Variants in DCAF17 observed in about 807,000 individuals in gnomAD.
The protein encoded by DCAF17 is DDB1- and CUL4-associated factor 17.
A neutral mutation model predicts 66.0 loss-of-function variants in DCAF17; 48 were observed. The observed-to-expected ratio is 0.73, with a 90% CI of 0.58 to 0.92. DCAF17 has a LOEUF of 0.92. Among genes scored for constraint, DCAF17 ranks in the 40% least tolerant of loss-of-function variants. The probability of loss-of-function intolerance (pLI) is 0.00; values close to 1 mark genes in which losing one functional copy is unlikely to be tolerated. For missense variants in DCAF17, 562 were observed against 622.8 expected (o/e 0.90, Z 1.04); for synonymous variants, 206 against 214.6 (o/e 0.96, Z 0.35).
At chr2:171,477,102 T>C (rs573215399) in intron 11 of DCAF17, 152 bp downstream of exon 11, 1 of 635,680 alleles carries the variant, frequency 1.6e-6, no homozygotes, top group African/African-American at 1.8e-5. Context: ...TAGCCAGTTT[T>C]AGCCCCATGT....
In DCAF17 at chr2:171,453,154, C is replaced by CT; in HGVS notation, c.570dup (p.Ala191CysfsTer47). 6.2e-7 allele frequency: 1 copy of CT among 1,612,964 alleles called. No homozygotes were observed. Among genetic ancestry groups the CT allele is most frequent in the Non-Finnish European group, 8.5e-7 (1 of 1,179,418 alleles). On this transcript the variant is annotated frameshift_variant, in exon 6 of 14. Coordinates refer to ENST00000375255, the MANE Select transcript of DCAF17 (RefSeq NM_025000.4). LOFTEE classifies it high-confidence loss of function. ...CATTCAACAACATGTTTTGCTGTAC[C>CT]TTGCAGTGTTCCGAGTTCTACCTTT... is the stretch of plus-strand genomic sequence containing the variant.
At chr2:171,477,757 A>T (rs753776237) in intron 11 of DCAF17, among the ~76,000 whole-genome samples, 2 of 152,224 alleles carry the variant, frequency 1.3e-5, no homozygotes, top group Non-Finnish European at 2.9e-5. Context: ...GTGCCACTAC[A>T]GTGAGGCAAG....
intron 1 of DCAF17, 52 bp downstream of exon 1, chr2:171,434,755 C>T: frequency 8.6e-6 from 12 of 1,389,430 alleles, no homozygotes; most frequent in Non-Finnish European, 1.1e-5. Flanking sequence ...GCGCGGCGGC[C>T]GAGCCTCCTG....
intron 8 of DCAF17, among the ~76,000 whole-genome samples, chr2:171,460,650 C>A (rs958135939): frequency 2.0e-5 from 3 of 151,984 alleles, no homozygotes; most frequent in Non-Finnish European, 4.4e-5. Context: ...CCTACATTAG[C>A]CTCCCAAGTA....
intron 5 of DCAF17, among the ~76,000 whole-genome samples, chr2:171,451,618 C>A (rs1408936129): frequency 2.0e-5 from 3 of 152,160 alleles, no homozygotes; most frequent in Admixed American, 6.5e-5. Flanking sequence ...GCTTTGTTGC[C>A]AGGCTAGAGT....
At chr2:171,450,531 CTT>C in intron 5 of DCAF17, among the ~76,000 whole-genome samples, 1 of 151,632 alleles carries the variant, frequency 6.6e-6, no homozygotes, top group Admixed American at 6.6e-5. Context: ...TATCAAGAAA[CTT>C]TTTGTTTCTA....
At chr2:171,470,795 A>G (rs1696200853) in intron 9 of DCAF17, among the ~76,000 whole-genome samples, 1 of 152,168 alleles carries the variant, frequency 6.6e-6, no homozygotes, top group East Asian at 1.9e-4. Flanking sequence ...CTATTATTTC[A>G]TACACAAACA....
At chr2:171,458,717 A>G (rs1181453256) in intron 8 of DCAF17, among the ~76,000 whole-genome samples, 1 of 152,184 alleles carries the variant, frequency 6.6e-6, no homozygotes, top group Non-Finnish European at 1.5e-5. Context: ...ACCTTTAGCA[A>G]TTCACTTTAC....
At chr2:171,452,642 C>T (rs554820519) in intron 5 of DCAF17, among the ~76,000 whole-genome samples, 4 of 152,134 alleles carry the variant, frequency 2.6e-5, no homozygotes, top group African/African-American at 4.8e-5. Flanking sequence ...TTTGTATAAA[C>T]GAGGTCTCAC....
chr2:171,454,859 G>A (rs549058894), intron 6 of DCAF17, among the ~76,000 whole-genome samples: 19 of 151,122 alleles, frequency 1.3e-4, no homozygotes, highest in Non-Finnish European at 2.4e-4. Flanking sequence ...ATTGTGCCAC[G>A]GCAACAGAGC....
intron 9 of DCAF17, among the ~76,000 whole-genome samples, chr2:171,469,596 G>A (rs768468372): frequency 8.2e-4 from 125 of 152,248 alleles, no homozygotes; most frequent in Non-Finnish European, 5.6e-4. Context: ...TGGCTTAGGC[G>A]TTGATTTGTC....
At chr2:171,460,772 G>A (rs1407292905) in intron 8 of DCAF17, among the ~76,000 whole-genome samples, 2 of 152,172 alleles carry the variant, frequency 1.3e-5, no homozygotes, top group East Asian at 3.9e-4. Context: ...CTGGGCTCAA[G>A]CAGTCTGCCT....
chr2:171,449,993 CTT>C (rs1447717811), intron 5 of DCAF17, 36 bp downstream of exon 5: 9 of 1,502,904 alleles, frequency 6.0e-6, no homozygotes, highest in Admixed American at 3.4e-5. Context: ...AATGAAGACT[CTT>C]TTTCATAGGA....
intron 12 of DCAF17, 95 bp downstream of exon 12, chr2:171,478,165 G>T (rs1696585173): frequency 2.6e-6 from 3 of 1,138,752 alleles, no homozygotes; most frequent in Middle Eastern, 1.9e-4. Flanking sequence ...GTAGAGGTTG[G>T]GGTTGAGGGG....
Position 171,484,512 on chromosome 2 carries a change from T to C in DCAF17, c.*3398T>C. 2.2e-6 allele frequency: 1 copy of C among 448,678 alleles called. No individual in the cohort carries two copies. The highest frequency in any genetic ancestry group is 4.4e-6 in the Non-Finnish European group (1 of 225,100). 27.8% of individuals were successfully genotyped at this position (448,678 alleles called of 1,614,324 possible). On this transcript the variant is annotated 3_prime_UTR_variant, in exon 14 of 14. Coordinates refer to ENST00000375255, the MANE Select transcript of DCAF17 (RefSeq NM_025000.4). ...GATGGATTTCAAAATAAATTGCAGT[T>C]GCTGATATACTTCCCCCTAGTACTT...
intron 3 of DCAF17, among the ~76,000 whole-genome samples, chr2:171,443,995 G>A (rs970257985): frequency 2.0e-5 from 3 of 151,960 alleles, no homozygotes; most frequent in African/African-American, 4.8e-5. Context: ...GTTATTTTAC[G>A]TGTTAGGAAA....
intron 10 of DCAF17, 182 bp downstream of exon 10, chr2:171,474,157 G>A (rs969603795): frequency 1.6e-6 from 1 of 613,276 alleles, no homozygotes; most frequent in African/African-American, 1.9e-5. Flanking sequence ...CAACATTACT[G>A]TTTGTAAATA....
Position 171,443,349 on chromosome 2 carries a change from T to TA in DCAF17, c.231-174_231-173insA, listed in dbSNP as rs60392491. On this transcript the variant is annotated intron_variant, in intron 2 of 13. Transcript: ENST00000375255. ...GTATTGTAAACTATTTTAATCTTGT[T>TA]TTTTTTTATATGAATTATGTGATCA... 143,384 of 544,898 alleles carry TA rather than the reference T, an allele frequency of 0.26. 19,925 individuals carry two copies. Among genetic ancestry groups the TA allele is most frequent in the African/African-American group, 0.4 (20,379 of 50,894 alleles). The allele number at this position is 544,898 out of a possible 1,614,324, so 33.8% of individuals were successfully genotyped here. A position where few individuals can be genotyped will look rare whatever the true frequency, so the allele number is the denominator to read the frequency against.
chr2:171,447,212 A>G (rs185718285), intron 3 of DCAF17, among the ~76,000 whole-genome samples: 6 of 152,088 alleles, frequency 3.9e-5, no homozygotes, highest in Admixed American at 2.0e-4. Flanking sequence ...AAACACTAGC[A>G]TACAAACAAA....
Sources: allele counts gnomAD v4.1 joint callset (sites outside exome capture counted in the v4.1 genomes callset), GRCh38; gene constraint gnomAD v4.1.1; transcripts MANE v1.5; gene names NCBI Gene and HGNC (gene_info 2026-07-23, HGNC 2026-07-21).